UNC5B: variants seen among roughly 807,000 people sequenced by gnomAD.
The protein encoded by UNC5B is unc-5 netrin receptor B, also known as netrin receptor UNC5B.
In UNC5B, 56 loss-of-function variants were observed where a neutral mutation model predicts 103.7. That is an observed-to-expected ratio of 0.54 (90% confidence interval 0.44 to 0.67). UNC5B has a LOEUF of 0.67. Among genes scored for constraint, UNC5B ranks in the 30% least tolerant of loss-of-function variants. The pLI, the probability that UNC5B is intolerant of heterozygous loss-of-function variation, is 0.00. For synonymous variants in UNC5B, 577 were observed against 542.0 expected (o/e 1.06, Z -0.90); for missense variants, 1,194 against 1,284.5 (o/e 0.93, Z 1.08).
In UNC5B at chr10:71,302,287, G is replaced by A. The variant is rs2132323374; in HGVS notation, c.*3010G>A. On this transcript the variant is annotated 3_prime_UTR_variant, in exon 17 of 17. Coordinates refer to ENST00000335350, the MANE Select transcript of UNC5B (RefSeq NM_170744.5). ...CTGGGGTGCGTGTGTGCGTGCGCGT[G>A]TGCGTGCCTATGCTTTTCTCTGTGG... 1 of 152,412 alleles carries A rather than the reference G, an allele frequency of 6.6e-6. No homozygotes were observed. The highest frequency in any genetic ancestry group is 2.1e-4 in the South Asian group (1 of 4,828). The allele number at this position is 152,412 out of a possible 1,614,324, so 9.4% of individuals were successfully genotyped here.
chr10:71,271,688 C>G (rs191473288), intron 1 of UNC5B, among the ~76,000 whole-genome samples: 73 of 152,332 alleles, frequency 4.8e-4, no homozygotes, highest in African/African-American at 1.7e-3. Context: ...GGGGCCTCGA[C>G]CCCAGCCTCC....
intron 1 of UNC5B, among the ~76,000 whole-genome samples, chr10:71,234,586 C>G (rs935218041): frequency 6.6e-6 from 1 of 152,212 alleles, no homozygotes; most frequent in Non-Finnish European, 1.5e-5. Flanking sequence ...AGCTCAAAGC[C>G]CCAGGCAGAA....
rs372923088 is a variant in UNC5B, at chr10:71,278,178, TAAC to T, written c.80-1639_80-1637del. Among the ~76,000 whole-genome samples the T allele has an allele frequency of 5.0e-3, 765 of 152,318 alleles. 3 individuals are homozygous for T. Among genetic ancestry groups the T allele is most frequent in the African/African-American group, 0.017 (697 of 41,562 alleles). ...GGGTTGGTGCCAGAATTCGATAAGT[TAAC>T]AACTTAAATTCCTGCAAACATAGCA... On this transcript the variant is annotated intron_variant, in intron 1 of 16. Transcript: ENST00000335350.
rs75632619 is a variant in UNC5B at position 71,224,065 on chromosome 10, A to T, written c.79+11001A>T. On this transcript the variant is annotated intron_variant, in intron 1 of 16. Transcript: ENST00000335350. ...CAAGCCTGGCCCAGTGACCATCCTCAGCTGGTGGCTCACTGGTCCTTGTCA... is the reference window on the plus strand; with the variant it reads ...CAAGCCTGGCCCAGTGACCATCCTCTGCTGGTGGCTCACTGGTCCTTGTCA... Among the ~76,000 whole-genome samples the T allele has an allele frequency of 9.5e-3, 1,442 of 152,302 alleles. 16 individuals are homozygous for T. The highest frequency in any genetic ancestry group is 0.033 in the African/African-American group (1,369 of 41,558).
At chr10:71,263,120 C>A (rs1844447396) in intron 1 of UNC5B, among the ~76,000 whole-genome samples, 1 of 152,150 alleles carries the variant, frequency 6.6e-6, no homozygotes, top group Non-Finnish European at 1.5e-5. Context: ...TGGAGGCTTG[C>A]AGCCTGGGCA....
chr10:71,296,378 C>T (rs1845412838), intron 14 of UNC5B, among the ~76,000 whole-genome samples, 200 bp from the exon 15 acceptor site: 1 of 152,342 alleles, frequency 6.6e-6, no homozygotes, highest in East Asian at 1.9e-4. Context: ...CCTCCCCCAC[C>T]TACCCACCCT....
At chr10:71,287,135 T>C (rs1031545052) in intron 5 of UNC5B, among the ~76,000 whole-genome samples, 13 of 152,228 alleles carry the variant, frequency 8.5e-5, no homozygotes, top group African/African-American at 2.7e-4. Context: ...CCAGTCAGTA[T>C]GTCCAGAAGG....
chr10:71,212,968 G>C lies in UNC5B; in HGVS notation c.-18G>C, dbSNP rs957278251. The C allele has an allele frequency of 6.0e-6, 8 of 1,336,334 alleles. No homozygotes were observed. The highest frequency in any genetic ancestry group is 7.7e-6 in the Non-Finnish European group (8 of 1,041,096). 82.8% of individuals were successfully genotyped at this position (1,336,334 alleles called of 1,614,324 possible). A position where few individuals can be genotyped will look rare whatever the true frequency, so the allele number is the denominator to read the frequency against. The stretch of plus-strand genomic sequence containing the variant: ...AGACAGCCCTGGGGGAGAGGCGCCC[G>C]AACCAGGCCGCGGGAGCATGGGGGC... On this transcript the variant is annotated 5_prime_UTR_variant, in exon 1 of 17. Transcript: ENST00000335350.
intron 1 of UNC5B, among the ~76,000 whole-genome samples, chr10:71,242,369 G>T (rs1312946121): frequency 1.3e-5 from 2 of 152,224 alleles, no homozygotes; most frequent in Admixed American, 1.3e-4. Context: ...GAGGTCCCCC[G>T]AGCTAGTTCA....
At chr10:71,254,035 C>T (rs902639968) in intron 1 of UNC5B, among the ~76,000 whole-genome samples, 1 of 152,186 alleles carries the variant, frequency 6.6e-6, no homozygotes, top group African/African-American at 2.4e-5. Context: ...CAGGGGGAAA[C>T]GGATGCCTAG....
At chr10:71,267,871 AAC>A (rs1324950179) in intron 1 of UNC5B, among the ~76,000 whole-genome samples, 1 of 152,212 alleles carries the variant, frequency 6.6e-6, no homozygotes, top group African/African-American at 2.4e-5. Flanking sequence ...CAGAGAGGCA[AAC>A]ACAGGAACCA....
At chr10:71,275,017 A>C (rs1189138790) in intron 1 of UNC5B, among the ~76,000 whole-genome samples, 1 of 151,872 alleles carries the variant, frequency 6.6e-6, no homozygotes, top group Admixed American at 6.6e-5. Context: ...ACAGACAGAA[A>C]CTCCAGGGCC....
intron 1 of UNC5B, among the ~76,000 whole-genome samples, chr10:71,274,745 G>A (rs531729828): frequency 1.4e-4 from 21 of 152,210 alleles, no homozygotes; most frequent in African/African-American, 4.6e-4. Flanking sequence ...GGGATGGGTG[G>A]GCTGGAGCAT....
In UNC5B at chr10:71,292,661, A is replaced by G. The variant is rs541123530; in HGVS notation, c.1772+107A>G. ...TGATGCCAAGACCAAACAGTCCTCC[A>G]AGGAAAGTATTAATCTTACTGTGTC... On this transcript the variant is annotated intron_variant, in intron 11 of 16. Transcript: ENST00000335350. The G allele has an allele frequency of 3.6e-5, 34 of 935,918 alleles. 1 individual carries two copies. The South Asian group carries it at 4.3e-4, about 12-fold the overall frequency. 58.0% of individuals were successfully genotyped at this position (935,918 alleles called of 1,614,324 possible). A position where few individuals can be genotyped will look rare whatever the true frequency, so the allele number is the denominator to read the frequency against.
rs1845122605 is a variant in UNC5B at position 71,287,565 on chromosome 10, C to G, written c.734-33C>G. ...GGGGGAGGGCAGAGGGTTCCAGAGCCAAGCCATCCAGTTGACAGCTGCCGC... is the reference window on the plus strand; with the variant it reads ...GGGGGAGGGCAGAGGGTTCCAGAGCGAAGCCATCCAGTTGACAGCTGCCGC... On this transcript the variant is annotated intron_variant, in intron 5 of 16. Coordinates refer to ENST00000335350, the MANE Select transcript of UNC5B (RefSeq NM_170744.5). 5 of 1,564,498 alleles carry G rather than the reference C, an allele frequency of 3.2e-6. No individual in the cohort carries two copies. In the South Asian group the frequency reaches 5.9e-5, roughly 18 times the overall value.
At chr10:71,296,520 C>T (rs72810312) in intron 14 of UNC5B, 58 bp from the exon 15 acceptor site, 98,042 of 1,583,474 alleles carry the variant, frequency 0.062, 3,655 homozygotes, top group Non-Finnish European at 0.074. Context: ...GCCTCCATTT[C>T]TATGAGGACA....
At chr10:71,280,730 G>C (rs1333406968) in intron 2 of UNC5B, among the ~76,000 whole-genome samples, 1 of 152,218 alleles carries the variant, frequency 6.6e-6, no homozygotes, top group Admixed American at 6.5e-5. Flanking sequence ...CCTGCCCCCA[G>C]GGTGCCCTCG....
At chr10:71,225,949 G>T (rs1273749769) in intron 1 of UNC5B, among the ~76,000 whole-genome samples, 1 of 152,202 alleles carries the variant, frequency 6.6e-6, no homozygotes, top group Non-Finnish European at 1.5e-5. Flanking sequence ...CCTGTGGTGG[G>T]TTGAGGAGGA....
intron 1 of UNC5B, among the ~76,000 whole-genome samples, chr10:71,246,847 G>T (rs773749377): frequency 7.2e-5 from 11 of 152,202 alleles, no homozygotes; most frequent in Non-Finnish European, 1.6e-4. Flanking sequence ...CAGCCGGCAG[G>T]CTCCCTCTGG....
Sources: gnomAD v4.1 joint callset for allele counts (sites outside exome capture counted in the v4.1 genomes callset) on GRCh38, gnomAD v4.1.1 for gene constraint, MANE v1.5 for transcripts, NCBI Gene and HGNC (gene_info 2026-07-23, HGNC 2026-07-21) for gene names.